The following GOLGA6L7 variants were observed in gnomAD, a reference collection of about 807,000 sequenced individuals.
GOLGA6L7 encodes the protein golgin subfamily A member 6-like protein 7.
GOLGA6L7 carries 29 observed loss-of-function variants against 68.9 expected under a neutral mutation model. The ratio of observed to expected loss-of-function variants is 0.42; its 90% CI spans 0.31 to 0.57. The LOEUF (loss-of-function observed/expected upper bound fraction) is 0.57. Ranked by LOEUF, GOLGA6L7 falls within the 20% of genes least tolerant of loss-of-function variation. The pLI is 0.13. For synonymous variants in GOLGA6L7, 133 were observed against 197.4 expected (o/e 0.67, Z 2.73); for missense variants, 396 against 588.4 (o/e 0.67, Z 3.38).
Position 28,844,275 on chromosome 15 carries a change from GA to G in GOLGA6L7, c.463-13del. ...AACTCCTTGATGTACTGCAAACAGA[GA>G]AAGGTCAAGTCAGGATACAGCAGGC... On this transcript the variant is annotated splice_polypyrimidine_tract_variant and intron_variant, in intron 6 of 8. Transcript: ENST00000567390. The G allele has an allele frequency of 4.2e-6, 2 of 480,726 alleles. No individual in the cohort carries two copies. Among genetic ancestry groups the G allele is most frequent in the South Asian group, 4.9e-5 (1 of 20,226 alleles). 29.8% of individuals were successfully genotyped at this position (480,726 alleles called of 1,614,324 possible).
chr15:28,843,290 G>A lies in GOLGA6L7; in HGVS notation c.814C>T (p.Arg272Trp), dbSNP rs1212535410. 4.0e-6 allele frequency: 5 copies of A among 1,242,398 alleles called. No individual in the cohort carries two copies. Among genetic ancestry groups the A allele is most frequent in the African/African-American group, 3.1e-5 (2 of 63,712 alleles). 77.0% of individuals were successfully genotyped at this position (1,242,398 alleles called of 1,614,324 possible). ...QRLRDQEKELREQEQQMQEQE... is the reference protein window; with the variant it reads ...QRLRDQEKELWEQEQQMQEQE... ...TCCTGCATCTGCTGCTCCTGCTCCC[G>A]CAGCTCCTTCTCCTGGTCCCGCAGC... The change falls in exon 9 of 9, where the codon CGG (arginine) becomes TGG (tryptophan). Residue 272 changes from arginine to tryptophan, a missense_variant. By Grantham distance (101) the Arg-to-Trp change is moderately radical. This residue lies in a region of GOLGA6L7 where 114 missense variants were observed against 186.0 expected (regional missense o/e 0.61). Transcript: ENST00000567390.
chr15:28,844,075 C>T, intron 7 of GOLGA6L7, 130 bp downstream of exon 7: 1 of 570,670 alleles, frequency 1.8e-6, no homozygotes, highest in Non-Finnish European at 3.1e-6. Context: ...ACAGCCGGCA[C>T]TGGAGCTTCC....
chr15:28,845,140 A>G (rs2030372338), intron 6 of GOLGA6L7: 1 of 387,980 alleles, frequency 2.6e-6, no homozygotes, highest in Non-Finnish European at 4.8e-6. Flanking sequence ...ACACACACAC[A>G]CACACACACA....
rs1567382570 is a variant in GOLGA6L7, at chr15:28,845,822, C to T, written c.262-11G>A. On this transcript the variant is annotated splice_polypyrimidine_tract_variant and intron_variant, in intron 4 of 8. Coordinates refer to ENST00000567390, the MANE Select transcript of GOLGA6L7 (RefSeq NM_001365371.2). ...GGTATGATCCTGGGCCTTTGGGAGACAAGAAAAGCAAGTGCTGAAAGAGAA... is the reference window on the plus strand; with the variant it reads ...GGTATGATCCTGGGCCTTTGGGAGATAAGAAAAGCAAGTGCTGAAAGAGAA... 1.1e-6 allele frequency: 1 copy of T among 922,352 alleles called. No homozygotes were observed. Among genetic ancestry groups the T allele is most frequent in the Admixed American group, 1.9e-5 (1 of 53,964 alleles). The allele number at this position is 922,352 out of a possible 1,614,324, so 57.1% of individuals were successfully genotyped here. A position where few individuals can be genotyped will look rare whatever the true frequency, so the allele number is the denominator to read the frequency against.
At chr15:28,848,257 C>T (rs547154830) in intron 1 of GOLGA6L7, among the ~76,000 whole-genome samples, 1 of 151,956 alleles carries the variant, frequency 6.6e-6, no homozygotes, top group African/African-American at 2.4e-5. Context: ...GGGCAGAGTA[C>T]AAAGCAGGGA....
At position 28,843,327 on chromosome 15, in the gene GOLGA6L7, T is replaced by A. The variant is rs1215689983; in HGVS notation, c.777A>T (p.Arg259Ser). ...CCTGGTCCCGCAGCCTCTGCTCCTG[T>A]CTCCACATCTTCTCCTCGTGCTTCC... ...KLRKHEEKMW[R>S]QEQRLRDQEK... Residue 259 changes from arginine (R) to serine (S), a missense_variant, in exon 9 of 9, where the codon AGA (arginine) becomes AGT (serine). By Grantham distance (110) the Arg-to-Ser change is moderately radical (BLOSUM62 -1). Coordinates refer to ENST00000567390, the MANE Select transcript of GOLGA6L7 (RefSeq NM_001365371.2). 113 of 933,944 alleles carry A rather than the reference T, an allele frequency of 1.2e-4. 1 individual carries two copies. In the East Asian group the frequency reaches 3.5e-3, roughly 29 times the overall value. The allele number at this position is 933,944 out of a possible 1,614,324, so 57.9% of individuals were successfully genotyped here.
At chr15:28,844,508 G>A (rs1174535548) in intron 6 of GOLGA6L7, among the ~76,000 whole-genome samples, 1 of 137,780 alleles carries the variant, frequency 7.3e-6, no homozygotes, top group Admixed American at 8.0e-5. Context: ...TCACCCCACC[G>A]CAACCTCCGC....
In GOLGA6L7 at chr15:28,847,184, G is replaced by C; in HGVS notation, c.60C>G (p.Asp20Glu). The C allele has an allele frequency of 1.4e-6, 2 of 1,390,226 alleles. No individual in the cohort carries two copies. The highest frequency in any genetic ancestry group is 1.2e-5 in the South Asian group (1 of 84,162). The allele number at this position is 1,390,226 out of a possible 1,614,324, so 86.1% of individuals were successfully genotyped here. Reference sequence around the variant, plus strand: ...CACCAGCACTGTTCCACTGATGATAGTCTGTAAACTGTGGAAAAGAGGAGC... The same window carrying C: ...CACCAGCACTGTTCCACTGATGATACTCTGTAAACTGTGGAAAAGAGGAGC... The part of the protein sequence containing the change: ...KLAGTKKKFT[D>E]YHQWNSAGVG... The change falls in exon 2 of 9, where the codon GAC (aspartate) becomes GAG (glutamate). Residue 20 changes from aspartate (D) to glutamate (E), a missense_variant. Transcript: ENST00000567390.
chr15:28,844,465 T>C (rs2030338259), intron 6 of GOLGA6L7, among the ~76,000 whole-genome samples: 2 of 147,050 alleles, frequency 1.4e-5, no homozygotes, highest in East Asian at 2.0e-4. Flanking sequence ...AGTTTCGCTC[T>C]TGTTGCCCAG....
intron 3 of GOLGA6L7, 75 bp downstream of exon 3, chr15:28,846,145 A>G: frequency 2.8e-6 from 2 of 717,794 alleles, no homozygotes; most frequent in Middle Eastern, 2.7e-4. Context: ...AGGCGAGACG[A>G]GACTGGGGCC....
chr15:28,844,389 C>G (rs2030332007), intron 6 of GOLGA6L7, 126 bp from the exon 7 acceptor site: 1 of 383,972 alleles, frequency 2.6e-6, no homozygotes, highest in East Asian at 3.9e-5. Context: ...GACATGTTCT[C>G]AAGGCGTTTC....
At position 28,843,743 on chromosome 15, in the gene GOLGA6L7, C is replaced by T. The variant is rs1281514028; in HGVS notation, c.654G>A (p.Pro218=). 15 of 655,452 alleles carry T rather than the reference C, an allele frequency of 2.3e-5. No individual in the cohort carries two copies. The highest frequency in any genetic ancestry group is 3.0e-5 in the Non-Finnish European group (11 of 369,762). 40.6% of individuals were successfully genotyped at this position (655,452 alleles called of 1,614,324 possible). Reference sequence around the variant, plus strand: ...GGCTGCCGCCGCTCACCTGTGGCAGCGGGATTTTGTCCGTCTCCAGTTTCC... The same window carrying T: ...GGCTGCCGCCGCTCACCTGTGGCAGTGGGATTTTGTCCGTCTCCAGTTTCC... ...LKRKLETDKI[P]LPQVQTNTLQ... is the part of the protein sequence containing the mutation. The change falls in exon 8 of 9, where the codon CCG becomes CCA. Residue 218 remains proline, a synonymous_variant. Transcript: ENST00000567390.
Position 28,842,337 on chromosome 15 carries a change from A to T in GOLGA6L7, c.1767T>A (p.Pro589=). Residue 589 remains proline, a synonymous_variant, in exon 9 of 9, where the codon CCT becomes CCA. Coordinates refer to ENST00000567390, the MANE Select transcript of GOLGA6L7 (RefSeq NM_001365371.2). ...GGCGCTCCTGGGCGTTCTTCATTCC[A>T]GGGGGCAGCTGCATGATCTGTGCAG... is the stretch of plus-strand genomic sequence containing the variant. ...NRTAQIMQLP[P]GMKNAQERPG... 8.1e-7 allele frequency: 1 copy of T among 1,231,124 alleles called. No homozygotes were observed. The highest frequency in any genetic ancestry group is 1.0e-6 in the Non-Finnish European group (1 of 985,666). 76.3% of individuals were successfully genotyped at this position (1,231,124 alleles called of 1,614,324 possible).
At position 28,842,305 on chromosome 15, in the gene GOLGA6L7, A is replaced by G. The variant is rs538538639; in HGVS notation, c.1799T>C (p.Leu600Ser). The change falls in exon 9 of 9, where the codon TTA becomes TCA. Residue 600 changes from leucine to serine, a missense_variant. By Grantham distance (145) the Leu-to-Ser change is moderately radical (BLOSUM62 -2). Transcript: ENST00000567390. Reference sequence around the variant, plus strand: ...GAATGGGATGCAGGAGGTGCTGCCTAAGCCTGGGCGCTCCTGGGCGTTCTT... The same window carrying G: ...GAATGGGATGCAGGAGGTGCTGCCTGAGCCTGGGCGCTCCTGGGCGTTCTT... ...GMKNAQERPG[L>S]GSTSCIPFFY... is the part of the protein sequence containing the mutation. 4.3e-5 allele frequency: 53 copies of G among 1,231,358 alleles called. 1 individual carries two copies. In the South Asian group the frequency reaches 2.1e-3, roughly 48 times the overall value. 76.3% of individuals were successfully genotyped at this position (1,231,358 alleles called of 1,614,324 possible).
intron 6 of GOLGA6L7, 99 bp from the exon 7 acceptor site, chr15:28,844,362 T>C (rs1364794503): frequency 1.5e-5 from 6 of 402,114 alleles, no homozygotes; most frequent in Admixed American, 4.4e-5. Context: ...TAACACTTGC[T>C]CCTCTCCGTC....
intron 3 of GOLGA6L7, 80 bp downstream of exon 3, chr15:28,846,140 A>G (rs1463653154): frequency 7.0e-6 from 5 of 718,036 alleles, no homozygotes; most frequent in Non-Finnish European, 1.3e-5. Flanking sequence ...GGAGTAGGCG[A>G]GACGAGACTG....
chr15:28,847,628 C>G (rs1257455240), intron 1 of GOLGA6L7, among the ~76,000 whole-genome samples: 1 of 152,266 alleles, frequency 6.6e-6, no homozygotes, highest in Admixed American at 6.5e-5. Context: ...CTTGTATACT[C>G]TTTGAAATCT....
At chr15:28,844,751 C>G (rs1354669975) in intron 6 of GOLGA6L7, among the ~76,000 whole-genome samples, 1 of 151,962 alleles carries the variant, frequency 6.6e-6, no homozygotes, top group Admixed American at 6.5e-5. Context: ...GAGTGCTTCA[C>G]CAGGCACTAT....
intron 6 of GOLGA6L7, 184 bp downstream of exon 6, chr15:28,845,345 G>A (rs1298108539): frequency 2.8e-5 from 19 of 685,756 alleles, no homozygotes; most frequent in East Asian, 5.5e-5. Flanking sequence ...ACAGCGCCCC[G>A]CAACTCACCC....
Sources: allele counts gnomAD v4.1 joint callset (sites outside exome capture counted in the v4.1 genomes callset), GRCh38; gene constraint gnomAD v4.1.1; regional missense constraint gnomAD v4.1.1; transcripts MANE v1.5; gene names NCBI Gene and HGNC (gene_info 2026-07-23, HGNC 2026-07-21).